SDK1: variants seen among roughly 807,000 people sequenced by gnomAD.
SDK1 encodes the protein sidekick cell adhesion molecule 1.
A neutral mutation model predicts 245.5 loss-of-function variants in SDK1; 157 were observed. That is an observed-to-expected ratio of 0.64 (90% CI 0.56 to 0.73). The LOEUF is 0.73. SDK1 is among the 30% of genes least tolerant of loss of function. SDK1 has a pLI of 0.00. For synonymous variants in SDK1, 1,647 were observed against 1,278.5 expected (o/e 1.29, Z -6.15); for missense variants, 3,583 against 3,002.3 (o/e 1.19, Z -4.52).
At chr7:3,812,935 A>G (rs1779420663) in intron 4 of SDK1, among the ~76,000 whole-genome samples, 1 of 152,078 alleles carries the variant, frequency 6.6e-6, no homozygotes, top group Non-Finnish European at 1.5e-5. Context: ...GGTTTCCCAA[A>G]TTCTTTCTTC....
chr7:3,629,246 A>C (rs992477898), intron 2 of SDK1, among the ~76,000 whole-genome samples: 2 of 151,488 alleles, frequency 1.3e-5, no homozygotes, highest in African/African-American at 4.9e-5. Flanking sequence ...GCTTGCAGTG[A>C]GCTGAGATCT....
intron 1 of SDK1, among the ~76,000 whole-genome samples, chr7:3,489,419 A>AACAGGAG (rs1781802178): frequency 6.6e-6 from 1 of 152,224 alleles, no homozygotes. Context: ...AATTATTACT[A>AACAGGAG]TAAAATTCTA....
intron 1 of SDK1, among the ~76,000 whole-genome samples, chr7:3,424,779 C>T (rs1779631067): frequency 6.6e-6 from 1 of 151,990 alleles, no homozygotes; most frequent in African/African-American, 2.4e-5. Context: ...CACCTGTAGT[C>T]CTAGCTGCTT....
At chr7:3,810,212 G>T (rs6945255) in intron 4 of SDK1, among the ~76,000 whole-genome samples, 1 of 152,054 alleles carries the variant, frequency 6.6e-6, no homozygotes, top group East Asian at 1.9e-4. Flanking sequence ...CTTTTTAGAC[G>T]CCTTTCTGTC....
chr7:4,005,711 A>G (rs988425259), intron 14 of SDK1, among the ~76,000 whole-genome samples: 4 of 152,144 alleles, frequency 2.6e-5, no homozygotes, highest in African/African-American at 7.2e-5. Context: ...ATGTATTAAT[A>G]ATATGATGAT....
intron 13 of SDK1, among the ~76,000 whole-genome samples, chr7:3,978,555 A>T (rs1783147803): frequency 6.6e-6 from 1 of 152,298 alleles, no homozygotes; most frequent in South Asian, 2.1e-4. Flanking sequence ...AGGCTCCTCT[A>T]TCCCAAACCT....
intron 5 of SDK1, among the ~76,000 whole-genome samples, chr7:3,895,461 G>C (rs112982578): frequency 6.6e-6 from 1 of 152,164 alleles, no homozygotes; most frequent in East Asian, 1.9e-4. Context: ...GAATAAAAAG[G>C]GGGAAATGTG....
At chr7:3,885,761 G>A (rs1781323283) in intron 5 of SDK1, among the ~76,000 whole-genome samples, 1 of 152,182 alleles carries the variant, frequency 6.6e-6, no homozygotes, top group Admixed American at 6.5e-5. Context: ...AGCTGCATTA[G>A]TTGTACAGTT....
intron 44 of SDK1, among the ~76,000 whole-genome samples, chr7:4,256,526 A>C (rs997636065): frequency 6.6e-6 from 1 of 152,252 alleles, no homozygotes; most frequent in Non-Finnish European, 1.5e-5. Flanking sequence ...AAGCTGTAGC[A>C]TTGGTTTTCA....
chr7:3,800,370 C>CTTACTTATTTAT (rs1554263702), intron 4 of SDK1, among the ~76,000 whole-genome samples: 33 of 148,994 alleles, frequency 2.2e-4, no homozygotes, highest in African/African-American at 8.0e-4. Flanking sequence ...TACTTACTTA[C>CTTACTTATTTAT]TTATTTATTT....
At chr7:3,379,879 T>C (rs1266228430) in intron 1 of SDK1, among the ~76,000 whole-genome samples, 2 of 152,178 alleles carry the variant, frequency 1.3e-5, no homozygotes. Context: ...TATTTTTCTA[T>C]TTGGGATGCT....
At chr7:4,264,401 TGGGGTAAGGAAG>T (rs1340234528) in intron 44 of SDK1, among the ~76,000 whole-genome samples, 1 of 133,436 alleles carries the variant, frequency 7.5e-6, no homozygotes, top group East Asian at 2.3e-4. Flanking sequence ...GGACCTCTCC[TGGGGTAAGGAAG>T]GCCGCGTGGA....
chr7:3,812,381 A>G (rs1364114816), intron 4 of SDK1, among the ~76,000 whole-genome samples: 2 of 152,190 alleles, frequency 1.3e-5, no homozygotes, highest in African/African-American at 4.8e-5. Context: ...ATCTGAACGT[A>G]TTTCAAATCC....
At chr7:3,310,075 C>T (rs73044784) in intron 1 of SDK1, among the ~76,000 whole-genome samples, 4,461 of 152,246 alleles carry the variant, frequency 0.029, 131 homozygotes, top group South Asian at 0.059. Context: ...CAAAAGCTCC[C>T]GGGTACTGTC....
chr7:4,251,266 TCA>T (rs1787273232), intron 44 of SDK1, among the ~76,000 whole-genome samples: 1 of 152,318 alleles, frequency 6.6e-6, no homozygotes, highest in African/African-American at 2.4e-5. Context: ...CTAGAAGGAC[TCA>T]CAGAATTCAG....
chr7:3,728,851 C>G (rs117402291), intron 4 of SDK1, among the ~76,000 whole-genome samples: 15,363 of 152,034 alleles, frequency 0.1, 1,105 homozygotes, highest in Non-Finnish European at 0.16. Context: ...GGTAACCCGC[C>G]CACTTTGGCC....
At chr7:4,105,562 C>T (rs1352857305) in intron 22 of SDK1, among the ~76,000 whole-genome samples, 4 of 152,130 alleles carry the variant, frequency 2.6e-5, no homozygotes, top group Admixed American at 6.5e-5. Flanking sequence ...ACCTCAGCCT[C>T]CCAAAGTGCT....
At chr7:3,887,996 T>A (rs1781376772) in intron 5 of SDK1, among the ~76,000 whole-genome samples, 1 of 152,246 alleles carries the variant, frequency 6.6e-6, no homozygotes, top group Admixed American at 6.5e-5. Flanking sequence ...ATGTAGTTCT[T>A]GTCACCTTAA....
chr7:3,809,609 A>G (rs554569976), intron 4 of SDK1, among the ~76,000 whole-genome samples: 29 of 152,348 alleles, frequency 1.9e-4, no homozygotes, highest in African/African-American at 6.5e-4. Context: ...GGTGATGGAA[A>G]GCATTTCAAA....
Sources: gnomAD v4.1 joint callset for allele counts (sites outside exome capture counted in the v4.1 genomes callset) on GRCh38, gnomAD v4.1.1 for gene constraint, MANE v1.5 for transcripts, NCBI Gene and HGNC (gene_info 2026-07-23, HGNC 2026-07-21) for gene names.